Variants in MAST4 observed in about 807,000 individuals in gnomAD.
MAST4 encodes microtubule-associated serine/threonine-protein kinase 4.
Under a neutral mutation model 162.7 loss-of-function variants are expected in MAST4, and 89 were observed. That is an observed-to-expected ratio of 0.55 (90% confidence interval 0.46 to 0.65). MAST4 has a LOEUF of 0.65. MAST4 is among the 30% of genes least tolerant of loss of function. The pLI, the probability that MAST4 is intolerant of heterozygous loss-of-function variation, is 0.00. For missense variants in MAST4, 3,153 were observed against 3,374.0 expected (o/e 0.93, Z 1.62); for synonymous variants, 1,479 against 1,361.1 (o/e 1.09, Z -1.91).
At chr5:66,861,898 T>C (rs958118593) in intron 3 of MAST4, among the ~76,000 whole-genome samples, 4 of 152,204 alleles carry the variant, frequency 2.6e-5, no homozygotes, top group South Asian at 2.1e-4. Flanking sequence ...GTGTTCAGTG[T>C]TGTAATGATG....
At chr5:66,849,452 C>G (rs577211994) in intron 3 of MAST4, among the ~76,000 whole-genome samples, 43 of 152,272 alleles carry the variant, frequency 2.8e-4, no homozygotes, top group African/African-American at 1.0e-3. Context: ...TACCCTACTC[C>G]TCTTCTGCTT....
intron 15 of MAST4, among the ~76,000 whole-genome samples, chr5:67,131,035 A>G (rs1768906933): frequency 6.6e-6 from 1 of 152,172 alleles, no homozygotes; most frequent in South Asian, 2.1e-4. Context: ...CATCTAATTT[A>G]AGCTGTTGTC....
intron 1 of MAST4, among the ~76,000 whole-genome samples, chr5:66,654,112 C>A (rs1006113096): frequency 1.3e-5 from 2 of 152,158 alleles, no homozygotes; most frequent in Non-Finnish European, 2.9e-5. Flanking sequence ...TAAACACATG[C>A]TGTGATAAGT....
At chr5:66,668,540 G>A (rs999965542) in intron 1 of MAST4, among the ~76,000 whole-genome samples, 3 of 152,170 alleles carry the variant, frequency 2.0e-5, no homozygotes, top group South Asian at 2.1e-4. Context: ...AAGCAGATTT[G>A]CCACGTATCC....
chr5:67,091,608 A>G (rs770575139), intron 6 of MAST4, among the ~76,000 whole-genome samples: 12 of 152,212 alleles, frequency 7.9e-5, no homozygotes, highest in African/African-American at 2.9e-4. Context: ...TCTTTAAAAC[A>G]TATCTCTATA....
At chr5:66,929,333 C>T (rs1372767356) in intron 4 of MAST4, among the ~76,000 whole-genome samples, 1 of 152,132 alleles carries the variant, frequency 6.6e-6, no homozygotes, top group Non-Finnish European at 1.5e-5. Flanking sequence ...CACCTTTCCT[C>T]AGTCTTTTTT....
chr5:66,763,721 A>G (rs1377126169), intron 2 of MAST4, among the ~76,000 whole-genome samples: 1 of 152,206 alleles, frequency 6.6e-6, no homozygotes, highest in Non-Finnish European at 1.5e-5. Flanking sequence ...GTAATTAAAT[A>G]ATTGTATACA....
intron 3 of MAST4, among the ~76,000 whole-genome samples, chr5:66,803,729 G>T (rs1285378362): frequency 6.6e-6 from 1 of 151,856 alleles, no homozygotes; most frequent in Non-Finnish European, 1.5e-5. Flanking sequence ...TTTGGAGGAG[G>T]GGGTAATTTT....
intron 19 of MAST4, among the ~76,000 whole-genome samples, chr5:67,139,527 C>A (rs1770104559): frequency 6.6e-6 from 1 of 152,190 alleles, no homozygotes; most frequent in South Asian, 2.1e-4. Flanking sequence ...TGAATAGTTT[C>A]TTCATTGTCC....
Position 67,163,321 on chromosome 5 carries a change from G to A in MAST4, c.4142G>A (p.Arg1381Gln), listed in dbSNP as rs375944809. The change falls in exon 29 of 29, where the codon CGG (arginine) becomes CAG (glutamine). Residue 1381 changes from arginine (R) to glutamine (Q), a missense_variant. Arg to Gln is a conservative substitution (Grantham distance 43, BLOSUM62 1). Transcript: ENST00000403625. This position sits in a 1 kb window ranked among gnomAD's most constrained non-coding sequence, Gnocchi z 7.0. The stretch of plus-strand genomic sequence containing the variant: ...AACATCCCACTGTCCCCGCTGGCCC[G>A]GACGCCCTCTCCAACCCCGCAACCC... ...AGNIPLSPLARTPSPTPQPTS... is the reference protein window; with the variant it reads ...AGNIPLSPLAQTPSPTPQPTS... 4.3e-6 allele frequency: 7 copies of A among 1,612,806 alleles called. No homozygotes were observed. The highest frequency in any genetic ancestry group is 1.3e-5 in the African/African-American group (1 of 75,004).
chr5:66,690,833 G>C (rs1222949307), intron 1 of MAST4, among the ~76,000 whole-genome samples: 2 of 152,138 alleles, frequency 1.3e-5, no homozygotes, highest in African/African-American at 4.8e-5. Flanking sequence ...GGTGTTCACT[G>C]GTGGTTCTGC....
intron 3 of MAST4, among the ~76,000 whole-genome samples, chr5:66,809,640 A>T (rs1424538219): frequency 2.0e-5 from 3 of 152,216 alleles, no homozygotes; most frequent in African/African-American, 7.2e-5. Context: ...GGTATAAAAT[A>T]AAAAAATGAT....
intron 1 of MAST4, among the ~76,000 whole-genome samples, chr5:66,737,498 A>C (rs1393474253): frequency 6.6e-6 from 1 of 152,176 alleles, no homozygotes; most frequent in Non-Finnish European, 1.5e-5. Context: ...TGAAAAGAGG[A>C]GTACCAAGGA....
intron 3 of MAST4, among the ~76,000 whole-genome samples, chr5:66,872,587 G>A (rs988848345): frequency 7.2e-5 from 11 of 152,220 alleles, no homozygotes; most frequent in African/African-American, 1.9e-4. Context: ...ATCCCTTCCC[G>A]CCGAGCCGCA....
At chr5:66,709,057 A>C (rs955077746) in intron 1 of MAST4, among the ~76,000 whole-genome samples, 1 of 152,170 alleles carries the variant, frequency 6.6e-6, no homozygotes, top group Non-Finnish European at 1.5e-5. Context: ...TCTTTATTCC[A>C]AAGGCACCTG....
intron 1 of MAST4, among the ~76,000 whole-genome samples, chr5:66,628,426 T>A (rs935816531): frequency 1.4e-4 from 22 of 151,896 alleles, no homozygotes; most frequent in Non-Finnish European, 2.9e-4. Flanking sequence ...AAATGCTGCT[T>A]ATCTATTTAG....
At chr5:66,616,831 G>T (rs4074631) in intron 1 of MAST4, among the ~76,000 whole-genome samples, 6,570 of 152,264 alleles carry the variant, frequency 0.043, 183 homozygotes, top group Admixed American at 0.11. Flanking sequence ...AATAAGTACT[G>T]CCCCTTTCTT....
At chr5:67,046,226 A>G (rs1436993538) in intron 4 of MAST4, among the ~76,000 whole-genome samples, 2 of 152,144 alleles carry the variant, frequency 1.3e-5, no homozygotes, top group East Asian at 3.9e-4. Context: ...GCATTTCTCC[A>G]AATGTATCCC....
intron 18 of MAST4, 37 bp from the exon 19 acceptor site, chr5:67,136,526 G>T: frequency 1.3e-6 from 2 of 1,498,534 alleles, no homozygotes; most frequent in South Asian, 2.4e-5. Flanking sequence ...ACCCTCTTGT[G>T]AACAATATGG....
Sources: allele counts gnomAD v4.1 joint callset (sites outside exome capture counted in the v4.1 genomes callset), GRCh38; gene constraint gnomAD v4.1.1; non-coding constraint Gnocchi (gnomAD v3.1); transcripts MANE v1.5; gene names NCBI Gene and HGNC (gene_info 2026-07-23, HGNC 2026-07-21).